Variants in EXD2 observed in about 807,000 individuals in gnomAD.
EXD2 encodes exonuclease 3'-5' domain-containing protein 2.
In EXD2, 40 loss-of-function variants were observed where a neutral mutation model predicts 62.5. The observed-to-expected ratio is 0.64, with a 90% CI of 0.50 to 0.83. The LOEUF (loss-of-function observed/expected upper bound fraction) is 0.83. Ranked by LOEUF, EXD2 falls within the 40% of genes least tolerant of loss-of-function variation. The pLI, the probability that EXD2 is intolerant of heterozygous loss-of-function variation, is 0.00. For synonymous variants in EXD2, 239 were observed against 291.9 expected (o/e 0.82, Z 1.85); for missense variants, 671 against 761.8 (o/e 0.88, Z 1.40).
At chr14:69,230,400 T>C in intron 4 of EXD2, 72 bp from the exon 5 acceptor site, 1 of 986,470 alleles carries the variant, frequency 1.0e-6, no homozygotes, top group Non-Finnish European at 1.5e-6. Flanking sequence ...TGGCCATTTA[T>C]ATGTCTTTTT....
intron 8 of EXD2, among the ~76,000 whole-genome samples, chr14:69,237,172 T>A (rs2043823719): frequency 1.3e-5 from 2 of 152,214 alleles, no homozygotes; most frequent in African/African-American, 2.4e-5. Context: ...AAGGTATTCC[T>A]CAGATGAAGG....
rs758946926 is a variant in EXD2 at position 69,236,500 on chromosome 14, A to C, written c.1250A>C (p.Glu417Ala). The C allele has an allele frequency of 3.1e-6, 5 of 1,614,076 alleles. No homozygotes were observed. The highest frequency in any genetic ancestry group is 4.2e-6 in the Non-Finnish European group (5 of 1,180,028). ...GGAGACTATTACTTGATGGTTAAAG[A>C]GAACCTGTGTGTAGTGTGTGGCAAG... ...SPGDYYLMVKENLCVVCGKRD... is the reference protein window; with the variant it reads ...SPGDYYLMVKANLCVVCGKRD... Residue 417 changes from glutamate (E) to alanine (A), a missense_variant, in exon 8 of 10, where the codon GAG (glutamate) becomes GCG (alanine). Coordinates refer to ENST00000685843, the MANE Select transcript of EXD2 (RefSeq NM_001193360.2).
chr14:69,237,863 CAGAG>C lies in EXD2; in HGVS notation c.1584_1587del (p.Arg528SerfsTer33), dbSNP rs765495890. 1 of 1,611,152 alleles carries C rather than the reference CAGAG, an allele frequency of 6.2e-7. No individual in the cohort carries two copies. Among genetic ancestry groups the C allele is most frequent in the African/African-American group, 1.3e-5 (1 of 74,654 alleles). On this transcript the variant is annotated frameshift_variant, in exon 9 of 10. Transcript: ENST00000685843. LOFTEE classifies it high-confidence loss of function. The stretch of plus-strand genomic sequence containing the variant: ...GAAAGGAGGAGCTGCTGCAAGCACT[CAGAG>C]AGTTTTATAACACAGACGTGGTCAC...
chr14:69,192,605 C>A (rs944151330), intron 1 of EXD2, among the ~76,000 whole-genome samples: 1 of 151,768 alleles, frequency 6.6e-6, no homozygotes, highest in Non-Finnish European at 1.5e-5. Flanking sequence ...CTTTACCAGT[C>A]CCTTTCCCAC....
Position 69,241,996 on chromosome 14 carries a change from C to T in EXD2, c.*896C>T, listed in dbSNP as rs549919001. The T allele has an allele frequency of 7.5e-6, 3 of 398,576 alleles. No homozygotes were observed. In the East Asian group the frequency reaches 1.1e-4, roughly 14 times the overall value. 24.7% of individuals were successfully genotyped at this position (398,576 alleles called of 1,614,324 possible). A position where few individuals can be genotyped will look rare whatever the true frequency, so the allele number is the denominator to read the frequency against. Reference sequence around the variant, plus strand: ...TGTATTCTGTGCTTCATCGAATTTGCAAGACTGACCTCTTTTAAGCATTTA... The same window carrying T: ...TGTATTCTGTGCTTCATCGAATTTGTAAGACTGACCTCTTTTAAGCATTTA... On this transcript the variant is annotated 3_prime_UTR_variant, in exon 10 of 10. Coordinates refer to ENST00000685843, the MANE Select transcript of EXD2 (RefSeq NM_001193360.2).
intron 1 of EXD2, among the ~76,000 whole-genome samples, chr14:69,193,005 T>TA (rs1294657009): frequency 2.0e-5 from 3 of 151,594 alleles, no homozygotes; most frequent in Middle Eastern, 3.2e-3. Context: ...TATGGGGATT[T>TA]AGGAATGCCA....
In EXD2 at chr14:69,242,086, G is replaced by C; in HGVS notation, c.*986G>C. The C allele has an allele frequency of 1.0e-5, 4 of 398,568 alleles. No individual in the cohort carries two copies. Among genetic ancestry groups the C allele is most frequent in the African/African-American group, 2.1e-5 (1 of 48,728 alleles). The allele number at this position is 398,568 out of a possible 1,614,324, so 24.7% of individuals were successfully genotyped here. On this transcript the variant is annotated 3_prime_UTR_variant, in exon 10 of 10. Coordinates refer to ENST00000685843, the MANE Select transcript of EXD2 (RefSeq NM_001193360.2). ...GACTTCTCTGTCTCCTCTGAAGCCT[G>C]GGACACTGAGCTTACTTAATACATT... is the stretch of plus-strand genomic sequence containing the variant.
Position 69,241,339 on chromosome 14 carries a change from G to A in EXD2, c.*239G>A. ...TCCTCTCATTTTTGTGGACAAGAGA[G>A]GCCTTCGCCTTTATTTTTACTCTCC... On this transcript the variant is annotated 3_prime_UTR_variant, in exon 10 of 10. Coordinates refer to ENST00000685843, the MANE Select transcript of EXD2 (RefSeq NM_001193360.2). 2.1e-6 allele frequency: 1 copy of A among 467,300 alleles called. No individual in the cohort carries two copies. The highest frequency in any genetic ancestry group is 3.3e-5 in the East Asian group (1 of 30,008). The allele number at this position is 467,300 out of a possible 1,614,324, so 28.9% of individuals were successfully genotyped here.
rs1485893622 is a variant in EXD2, at chr14:69,206,468, T to C, written c.-48+2468T>C. On this transcript the variant is annotated intron_variant, in intron 2 of 9. Transcript: ENST00000685843. ...CCCACCCACCCACTTTTTTTTTTTT[T>C]TTTTTTTTTTTTTTTTTTGAGATAG... 7.3e-5 allele frequency among the ~76,000 whole-genome samples: 9 copies of C among 122,900 alleles called. 1 individual carries two copies. The highest frequency in any genetic ancestry group is 1.1e-4 in the African/African-American group (3 of 26,638). The allele number at this position is 122,900 out of a possible 152,430, so 80.6% of individuals were successfully genotyped here.
At chr14:69,235,097 TC>T (rs1228093854) in intron 6 of EXD2, 66 bp downstream of exon 6, 1 of 1,419,392 alleles carries the variant, frequency 7.0e-7, no homozygotes, top group African/African-American at 1.4e-5. Context: ...GTTTGATGCT[TC>T]CCTGGGGTCT....
Position 69,230,505 on chromosome 14 carries a change from G to T in EXD2, c.624G>T (p.Lys208Asn), listed in dbSNP as rs35371795. The T allele has an allele frequency of 6.2e-7, 1 of 1,613,392 alleles. No homozygotes were observed. The highest frequency in any genetic ancestry group is 1.3e-5 in the African/African-American group (1 of 74,818). Residue 208 changes from lysine to asparagine, a missense_variant, in exon 5 of 10, where the codon AAG becomes AAT. Coordinates refer to ENST00000685843, the MANE Select transcript of EXD2 (RefSeq NM_001193360.2). Reference sequence around the variant, plus strand: ...TGCTCTGTAATGGGCTTAGCCTGAAGTCCCTCGCTGAGACTGTTTTGAACT... The same window carrying T: ...TGCTCTGTAATGGGCTTAGCCTGAATTCCCTCGCTGAGACTGTTTTGAACT... ...NNLLCNGLSL[K>N]SLAETVLNFP...
At chr14:69,220,479 C>T (rs1240451666) in intron 3 of EXD2, among the ~76,000 whole-genome samples, 21 of 146,186 alleles carry the variant, frequency 1.4e-4, no homozygotes, top group Non-Finnish European at 2.3e-4. Context: ...ACTGTGGTCT[C>T]GATCTCCTGA....
chr14:69,236,380 T>A (rs1594782676), intron 7 of EXD2, 27 bp from the exon 8 acceptor site: 3 of 1,613,700 alleles, frequency 1.9e-6, no homozygotes, highest in African/African-American at 2.7e-5. Context: ...GGGGGAGCAG[T>A]CAAACACTGA....
In EXD2 at chr14:69,229,060, C is replaced by A; in HGVS notation, c.578C>A (p.Ala193Asp). ...GGGTGCCTGGACCTCCGATACCTAG[C>A]CATGCGGCAGAGGTGTGGTTTGTAT... ...VRGCLDLRYL[A>D]MRQRNNLLCN... is the part of the protein sequence containing the mutation. Residue 193 changes from alanine (A) to aspartate (D), a missense_variant, in exon 4 of 10, where the codon GCC becomes GAC. Transcript: ENST00000685843. The A allele has an allele frequency of 6.2e-7, 1 of 1,614,160 alleles. No individual in the cohort carries two copies. Among genetic ancestry groups the A allele is most frequent in the East Asian group, 2.2e-5 (1 of 44,890 alleles).
intron 3 of EXD2, among the ~76,000 whole-genome samples, chr14:69,217,611 A>G (rs1336672971): frequency 6.6e-6 from 1 of 151,970 alleles, no homozygotes; most frequent in African/African-American, 2.4e-5. Flanking sequence ...ACATATGTAT[A>G]CTTGTGCCAT....
chr14:69,220,259 T>TG (rs1566829226), intron 3 of EXD2, among the ~76,000 whole-genome samples: 7 of 35,388 alleles, frequency 2.0e-4, no homozygotes, highest in Admixed American at 4.7e-4. Context: ...CTCTGTTTTT[T>TG]TTTTTTTTTT....
At chr14:69,224,078 AG>A (rs1249350998) in intron 3 of EXD2, 1 of 151,850 alleles carries the variant, frequency 6.6e-6, no homozygotes, top group Admixed American at 6.6e-5. Flanking sequence ...TCTGTCACCT[AG>A]GTTGGAGTGC....
intron 2 of EXD2, among the ~76,000 whole-genome samples, chr14:69,204,899 T>TA (rs1418381399): frequency 6.6e-6 from 1 of 152,214 alleles, no homozygotes; most frequent in Non-Finnish European, 1.5e-5. Flanking sequence ...AGCTCCCTGC[T>TA]AGTCACTGGG....
chr14:69,209,964 T>A, intron 3 of EXD2, 161 bp downstream of exon 3: 1 of 547,046 alleles, frequency 1.8e-6, no homozygotes, highest in South Asian at 3.3e-5. Context: ...GAAGCTGCTG[T>A]TCCTCTCAGG....
Sources: allele counts gnomAD v4.1 joint callset (sites outside exome capture counted in the v4.1 genomes callset), GRCh38; gene constraint gnomAD v4.1.1; transcripts MANE v1.5; gene names NCBI Gene and HGNC (gene_info 2026-07-23, HGNC 2026-07-21).